The following RIT2 variants were observed in gnomAD, a reference collection of about 807,000 sequenced individuals.
RIT2 encodes GTP-binding protein Rit2.
Under a neutral mutation model 23.7 loss-of-function variants are expected in RIT2, and 24 were observed. The ratio of observed to expected loss-of-function variants is 1.01; its 90% CI spans 0.73 to 1.43. The LOEUF (loss-of-function observed/expected upper bound fraction) is 1.43. Among genes scored for constraint, RIT2 ranks in the 40% most tolerant of loss-of-function variants. The probability of loss-of-function intolerance (pLI) is 0.00; values close to 1 mark genes in which losing one functional copy is unlikely to be tolerated. For missense variants in RIT2, 236 were observed against 266.9 expected, an observed-to-expected ratio of 0.88 and a Z score of 0.81; for synonymous variants, 107 against 91.1, an observed-to-expected ratio of 1.17 and a Z score of -0.99.
chr18:43,051,902 G>T (rs571760776), intron 1 of RIT2, among the ~76,000 whole-genome samples: 2 of 152,174 alleles, frequency 1.3e-5, no homozygotes, highest in South Asian at 4.1e-4. Flanking sequence ...CAAGCTAGAG[G>T]TTCTTTTGGA....
chr18:42,968,553 C>T (rs969170600), intron 3 of RIT2, among the ~76,000 whole-genome samples: 1 of 152,166 alleles, frequency 6.6e-6, no homozygotes, highest in Non-Finnish European at 1.5e-5. Context: ...CATATTCTGT[C>T]TTCTCATAGT....
rs150451444 is a variant in RIT2, at chr18:43,072,217, C to T, written c.104-38350G>A. On this transcript the variant is annotated intron_variant, in intron 1 of 4. Transcript: ENST00000326695. ...GCGAGGCTGGTCCCAAACTCCTGACCTCAGGTGATTCACCCACCTCAGCCT... is the reference window on the plus strand; with the variant it reads ...GCGAGGCTGGTCCCAAACTCCTGACTTCAGGTGATTCACCCACCTCAGCCT... Among the ~76,000 whole-genome samples, 20 of 152,148 alleles carry T rather than the reference C, an allele frequency of 1.3e-4. No individual in the cohort carries two copies. The East Asian group carries it at 3.9e-3, about 30-fold the overall frequency.
At chr18:42,936,374 C>T (rs1909458655) in intron 3 of RIT2, among the ~76,000 whole-genome samples, 1 of 152,116 alleles carries the variant, frequency 6.6e-6, no homozygotes, top group African/African-American at 2.4e-5. Context: ...AAAGTAGAAC[C>T]CAAACTTTCA....
intron 4 of RIT2, among the ~76,000 whole-genome samples, chr18:42,780,050 T>G (rs1913772080): frequency 2.4e-5 from 3 of 126,334 alleles, no homozygotes; most frequent in African/African-American, 9.0e-5. Context: ...TTTAGAGGTT[T>G]TTTTTTTTTT....
At chr18:42,939,708 A>G (rs1000360827) in intron 3 of RIT2, among the ~76,000 whole-genome samples, 1 of 152,174 alleles carries the variant, frequency 6.6e-6, no homozygotes, top group Non-Finnish European at 1.5e-5. Context: ...AAGTAACATT[A>G]GTATTTATAT....
chr18:42,842,126 G>A (rs1219264744), intron 4 of RIT2, among the ~76,000 whole-genome samples: 3 of 152,290 alleles, frequency 2.0e-5, no homozygotes, highest in African/African-American at 7.2e-5. Flanking sequence ...TTTCTCCCCA[G>A]GGGAAAACAT....
chr18:42,832,480 C>T (rs1231850062), intron 4 of RIT2, among the ~76,000 whole-genome samples: 1 of 152,128 alleles, frequency 6.6e-6, no homozygotes, highest in Non-Finnish European at 1.5e-5. Flanking sequence ...ACTGTCAGAA[C>T]ACACCTAGTA....
At chr18:43,053,054 C>A (rs974491637) in intron 1 of RIT2, among the ~76,000 whole-genome samples, 5 of 152,018 alleles carry the variant, frequency 3.3e-5, no homozygotes, top group Admixed American at 2.6e-4. Context: ...CCAGTACTGT[C>A]TGGCATATGT....
chr18:42,880,733 C>A (rs956486695), intron 4 of RIT2, among the ~76,000 whole-genome samples: 4 of 151,354 alleles, frequency 2.6e-5, no homozygotes, highest in Admixed American at 2.6e-4. Flanking sequence ...AGACTTCACC[C>A]TTCTGTTTCG....
intron 2 of RIT2, among the ~76,000 whole-genome samples, chr18:43,005,488 C>G (rs1950470335): frequency 2.6e-5 from 4 of 151,770 alleles, no homozygotes; most frequent in Non-Finnish European, 5.9e-5. Context: ...AAATGCACAT[C>G]TATTTTCCAT....
At chr18:42,828,277 T>C (rs908299884) in intron 4 of RIT2, among the ~76,000 whole-genome samples, 2 of 152,190 alleles carry the variant, frequency 1.3e-5, no homozygotes, top group African/African-American at 4.8e-5. Flanking sequence ...GAAATTATTA[T>C]CAAACACTTA....
At chr18:43,112,981 T>C (rs1202429687) in intron 1 of RIT2, among the ~76,000 whole-genome samples, 1 of 152,168 alleles carries the variant, frequency 6.6e-6, no homozygotes, top group Non-Finnish European at 1.5e-5. Flanking sequence ...TCCCTTCATA[T>C]ACCTCTGTTG....
Position 42,968,342 on chromosome 18 carries a change from C to A in RIT2, c.234+5732G>T, listed in dbSNP as rs187054699. Among the ~76,000 whole-genome samples, 6 of 152,248 alleles carry A rather than the reference C, an allele frequency of 3.9e-5. No individual in the cohort carries two copies. The East Asian group carries it at 1.2e-3, about 29-fold the overall frequency. ...CATAAGAATTAACAAGCATTAATTGCTATACAGCAGGAGATACCAACTAGG... is the reference window on the plus strand; with the variant it reads ...CATAAGAATTAACAAGCATTAATTGATATACAGCAGGAGATACCAACTAGG... On this transcript the variant is annotated intron_variant, in intron 3 of 4. Coordinates refer to ENST00000326695, the MANE Select transcript of RIT2 (RefSeq NM_002930.4).
chr18:42,816,385 T>A (rs1363754025), intron 4 of RIT2, among the ~76,000 whole-genome samples: 1 of 152,168 alleles, frequency 6.6e-6, no homozygotes, highest in Non-Finnish European at 1.5e-5. Context: ...ATGGTTCACC[T>A]AGGAAGGCTA....
At position 42,743,630 on chromosome 18, in the gene RIT2, C is replaced by G; in HGVS notation, c.517G>C (p.Ala173Pro). ...ATTTCCCTCACTAAGCCATGAAAAG[C>G]ATCATCAATACAGAATCTGAGGGCT... Reference protein sequence around the residue: ...SAALRFCIDDAFHGLVREIRK... With the variant: ...SAALRFCIDDPFHGLVREIRK... The change falls in exon 5 of 5, where the codon GCT becomes CCT. Residue 173 changes from alanine to proline, a missense_variant. Coordinates refer to ENST00000326695, the MANE Select transcript of RIT2 (RefSeq NM_002930.4). 1 of 1,614,024 alleles carries G rather than the reference C, an allele frequency of 6.2e-7. No homozygotes were observed. The highest frequency in any genetic ancestry group is 8.5e-7 in the Non-Finnish European group (1 of 1,179,976).
chr18:42,749,107 A>G (rs1449628449), intron 4 of RIT2, among the ~76,000 whole-genome samples: 1 of 151,914 alleles, frequency 6.6e-6, no homozygotes, highest in Non-Finnish European at 1.5e-5. Flanking sequence ...GAATCTCAAA[A>G]CATTGCAAAG....
chr18:43,035,473 T>G (rs924612231), intron 1 of RIT2, among the ~76,000 whole-genome samples: 1 of 152,190 alleles, frequency 6.6e-6, no homozygotes, highest in Non-Finnish European at 1.5e-5. Context: ...TGACTGAAGT[T>G]AGTTCCTGAA....
intron 4 of RIT2, among the ~76,000 whole-genome samples, chr18:42,863,906 G>A (rs558591083): frequency 2.2e-4 from 34 of 152,078 alleles, no homozygotes; most frequent in Admixed American, 4.6e-4. Context: ...ATAAATAATC[G>A]GGGTACTGAA....
chr18:42,792,581 T>G (rs1914068205), intron 4 of RIT2, among the ~76,000 whole-genome samples: 1 of 152,170 alleles, frequency 6.6e-6, no homozygotes, highest in African/African-American at 2.4e-5. Flanking sequence ...TCTAATTTAA[T>G]CCACAGACAA....
Sources: allele counts gnomAD v4.1 joint callset (sites outside exome capture counted in the v4.1 genomes callset), GRCh38; gene constraint gnomAD v4.1.1; transcripts MANE v1.5; gene names NCBI Gene and HGNC (gene_info 2026-07-23, HGNC 2026-07-21).